Variants in DNAH10 observed in about 807,000 individuals in gnomAD.
The protein encoded by DNAH10 is dynein axonemal heavy chain 10.
In DNAH10, 348 loss-of-function variants were observed where a neutral mutation model predicts 506.6. The observed-to-expected ratio is 0.69, with a 90% CI of 0.63 to 0.75. The LOEUF (loss-of-function observed/expected upper bound fraction) is 0.75, where lower values mean the gene tolerates loss of function less well. DNAH10 is among the 30% of genes least tolerant of loss of function. DNAH10 has a pLI of 0.00. For missense variants in DNAH10, 5,179 were observed against 5,787.1 expected (o/e 0.89, Z 3.41); for synonymous variants, 2,059 against 2,198.6 (o/e 0.94, Z 1.78).
At chr12:123,864,837 A>G in intron 40 of DNAH10, 107 bp downstream of exon 40, 1 of 1,338,472 alleles carries the variant, frequency 7.5e-7, no homozygotes, top group Non-Finnish European at 1.0e-6. Flanking sequence ...AAAAACAAAC[A>G]ATGCATAAGG....
intron 15 of DNAH10, among the ~76,000 whole-genome samples, chr12:123,800,682 CA>C (rs145211384): frequency 0.014 from 1,350 of 94,186 alleles, 11 homozygotes; most frequent in Middle Eastern, 0.052. Flanking sequence ...AGCCTGTATC[CA>C]AAAAAAAAAA....
At chr12:123,924,125 C>G (rs1176603413) in intron 66 of DNAH10, 153 bp from the exon 67 acceptor site, 4 of 1,058,968 alleles carry the variant, frequency 3.8e-6, no homozygotes, top group African/African-American at 3.2e-5. Flanking sequence ...GTTGGTGTCA[C>G]TGGCGGTGAC....
rs772412527 is a variant in DNAH10, at chr12:123,853,398, G to C, written c.6438+46G>C. Reference sequence around the variant, plus strand: ...CATTCTCTGGTTTCAGCTGCTTCAGGCATTTACTACGTGCCATTGGGGAGG... The same window carrying C: ...CATTCTCTGGTTTCAGCTGCTTCAGCCATTTACTACGTGCCATTGGGGAGG... On this transcript the variant is annotated intron_variant, in intron 36 of 78. Transcript: ENST00000673944. The surrounding 1 kb of genome is among the most constrained non-coding windows in gnomAD (Gnocchi z 4.7). 5 of 1,585,828 alleles carry C rather than the reference G, an allele frequency of 3.2e-6. No individual in the cohort carries two copies. Among genetic ancestry groups the C allele is most frequent in the East Asian group, 2.3e-5 (1 of 44,122 alleles).
chr12:123,857,315 C>A, intron 37 of DNAH10, 68 bp downstream of exon 37: 1 of 1,384,602 alleles, frequency 7.2e-7, no homozygotes, highest in South Asian at 1.6e-5. Flanking sequence ...TTTTGCAGTT[C>A]TTTAAAAATA....
At chr12:123,883,611 A>G (rs1425928753) in intron 51 of DNAH10, among the ~76,000 whole-genome samples, 3 of 152,114 alleles carry the variant, frequency 2.0e-5, no homozygotes, top group East Asian at 1.9e-4. Flanking sequence ...AATATTTTCA[A>G]TTTACAATGG....
At chr12:123,923,923 A>G in intron 66 of DNAH10, 56 bp downstream of exon 66, 5 of 1,300,336 alleles carry the variant, frequency 3.8e-6, no homozygotes, top group Non-Finnish European at 5.3e-6. Context: ...TGATACATGT[A>G]TATAAGTTTG....
intron 32 of DNAH10, among the ~76,000 whole-genome samples, chr12:123,847,283 CTA>C (rs1950996457): frequency 6.6e-6 from 1 of 150,872 alleles, no homozygotes; most frequent in African/African-American, 2.4e-5. Flanking sequence ...TCCATCCTGT[CTA>C]TTTATCATCT....
rs1017729200 is a variant in DNAH10 at position 123,902,973 on chromosome 12, C to A, written c.9675C>A (p.Ala3225=). The A allele has an allele frequency of 7.5e-6, 12 of 1,592,914 alleles. No homozygotes were observed. The Admixed American group carries it at 1.9e-4, about 26-fold the overall frequency. ...AGAAGAAACTGGCAGAGGAAAAGGC[C>A]ATGGAGATAGAGGAGCAGAACAAAG... ...EEKKKLAEEK[A]MEIEEQNKVI... is the part of the protein sequence containing the mutation. The change falls in exon 57 of 79, where the codon GCC becomes GCA. Residue 3225 remains alanine, a synonymous_variant. Coordinates refer to ENST00000673944, the MANE Select transcript of DNAH10 (RefSeq NM_001372106.1). This position sits in a 1 kb window ranked among gnomAD's most constrained non-coding sequence, Gnocchi z 4.5.
Position 123,935,600 on chromosome 12 carries a change from C to T in DNAH10, c.*119C>T. The stretch of plus-strand genomic sequence containing the variant: ...AGGAGGGGGACTGACACTGATTTTT[C>T]ATTTGAAATCAGCCACTTAAATCTC... On this transcript the variant is annotated 3_prime_UTR_variant, in exon 79 of 79. Coordinates refer to ENST00000673944, the MANE Select transcript of DNAH10 (RefSeq NM_001372106.1). The T allele has an allele frequency of 4.6e-6, 5 of 1,087,354 alleles. No homozygotes were observed. The highest frequency in any genetic ancestry group is 1.3e-6 in the Non-Finnish European group (1 of 783,154). The allele number at this position is 1,087,354 out of a possible 1,614,324, so 67.4% of individuals were successfully genotyped here.
chr12:123,803,595 T>G (rs1391618905), intron 16 of DNAH10, 66 bp from the exon 17 acceptor site: 2 of 1,401,454 alleles, frequency 1.4e-6, no homozygotes, highest in Non-Finnish European at 1.9e-6. Flanking sequence ...ATCACAGACG[T>G]TGGTGGGGGG....
intron 11 of DNAH10, among the ~76,000 whole-genome samples, chr12:123,792,451 CTTTTTTTTTTTTTTTT>C (rs78654407): frequency 7.5e-6 from 1 of 133,466 alleles, no homozygotes. Flanking sequence ...TTCCTTTGTC[CTTTTTTTTTTTTTTTT>C]TTTTTTTTTG....
At chr12:123,885,857 A>AC (rs1952705647) in intron 51 of DNAH10, among the ~76,000 whole-genome samples, 1 of 152,138 alleles carries the variant, frequency 6.6e-6, no homozygotes. Context: ...ATCCTTTTAT[A>AC]CATTTTTTGG....
rs113440690 is a variant in DNAH10 at position 123,851,368 on chromosome 12, A to G, written c.6291+292A>G. Among the ~76,000 whole-genome samples, 889 of 141,166 alleles carry G rather than the reference A, an allele frequency of 6.3e-3. 19 individuals are homozygous for G. Among genetic ancestry groups the G allele is most frequent in the African/African-American group, 0.022 (808 of 36,386 alleles). The allele number at this position is 141,166 out of a possible 152,430, so 92.6% of individuals were successfully genotyped here. ...TGGGGACCTAGGATGTGTCAGCTCCATGTGGCTCTTCCAGACTGGGGACCT... is the reference window on the plus strand; with the variant it reads ...TGGGGACCTAGGATGTGTCAGCTCCGTGTGGCTCTTCCAGACTGGGGACCT... On this transcript the variant is annotated intron_variant, in intron 35 of 78. Transcript: ENST00000673944.
At chr12:123,851,445 G>C (rs12819064) in intron 35 of DNAH10, among the ~76,000 whole-genome samples, 10,229 of 150,656 alleles carry the variant, frequency 0.068, 386 homozygotes, top group African/African-American at 0.093. Context: ...TTTTTCTGCT[G>C]TGTCTCTCTT....
intron 56 of DNAH10, among the ~76,000 whole-genome samples, chr12:123,899,189 CTTGAA>C (rs903323764): frequency 2.0e-4 from 30 of 152,238 alleles, no homozygotes; most frequent in African/African-American, 5.1e-4. Context: ...TTTCTTGGTT[CTTGAA>C]GCTGTTTCAA....
intron 54 of DNAH10, among the ~76,000 whole-genome samples, chr12:123,896,109 T>TCACACACACA (rs1246819591): frequency 2.5e-5 from 1 of 39,406 alleles, no homozygotes; most frequent in Non-Finnish European, 5.8e-5. Context: ...TGAGACTTTA[T>TCACACACACA]CTCACACACA....
intron 52 of DNAH10, among the ~76,000 whole-genome samples, chr12:123,892,172 G>A (rs541423719): frequency 6.6e-6 from 1 of 152,336 alleles, no homozygotes; most frequent in South Asian, 2.1e-4. Context: ...CCTTAGACTG[G>A]TTTTTTATAA....
At position 123,853,234 on chromosome 12, in the gene DNAH10, A is replaced by G; in HGVS notation, c.6320A>G (p.Tyr2107Cys). 2.5e-6 allele frequency: 4 copies of G among 1,609,886 alleles called. No homozygotes were observed. Among genetic ancestry groups the G allele is most frequent in the Middle Eastern group, 1.7e-4 (1 of 6,056 alleles). The change falls in exon 36 of 79, where the codon TAT (tyrosine) becomes TGT (cysteine). Residue 2107 changes from tyrosine to cysteine, a missense_variant. Around this residue, in one of 3 missense-constraint regions of DNAH10, gnomAD observed 4,844 missense variants for 5,430.5 expected, o/e 0.89. Transcript: ENST00000673944. This position sits in a 1 kb window ranked among gnomAD's most constrained non-coding sequence, Gnocchi z 4.7. ...CTGGCGAAAAAGATGACGGTTCTGT[A>G]TAAGCTGGCCCGGGAGCAGCTGTCC... ...KTLAKKMTVL[Y>C]KLAREQLSKQ... is the part of the protein sequence containing the mutation.
intron 18 of DNAH10, among the ~76,000 whole-genome samples, chr12:123,808,253 ACTC>A (rs1958787068): frequency 6.6e-6 from 1 of 151,980 alleles, no homozygotes; most frequent in African/African-American, 2.4e-5. Context: ...CTGGTCTCAA[ACTC>A]CTGGGCTCAA....
Sources: gnomAD v4.1 joint callset for allele counts (sites outside exome capture counted in the v4.1 genomes callset) on GRCh38, gnomAD v4.1.1 for gene constraint, gnomAD v4.1.1 regional missense constraint, Gnocchi (gnomAD v3.1) non-coding constraint, MANE v1.5 for transcripts, NCBI Gene and HGNC (gene_info 2026-07-23, HGNC 2026-07-21) for gene names.